Variants in USP34 observed in about 807,000 individuals in gnomAD.
USP34 encodes ubiquitin specific peptidase 34, also known as ubiquitin carboxyl-terminal hydrolase 34.
USP34 carries 70 observed loss-of-function variants against 460.3 expected under a neutral mutation model. That is an observed-to-expected ratio of 0.15 (90% CI 0.13 to 0.19). The LOEUF is 0.19. Ranked by LOEUF, USP34 falls within the 10% of genes least tolerant of loss-of-function variation. USP34 has a pLI of 1.00. For missense variants in USP34, 3,985 were observed against 4,236.2 expected (o/e 0.94, Z 1.65); for synonymous variants, 1,647 against 1,405.3 (o/e 1.17, Z -3.85).
At position 61,296,347 on chromosome 2, in the gene USP34, C is replaced by T. The variant is rs188019935; in HGVS notation, c.4254+453G>A. 6.3e-4 allele frequency among the ~76,000 whole-genome samples: 96 copies of T among 152,146 alleles called. No homozygotes were observed. The East Asian group carries it at 0.017, about 27-fold the overall frequency. ...ACCCAACACACATGTGAGGTGGTGT[C>T]CATATGGAAAAAAAATTATCACACA... On this transcript the variant is annotated intron_variant, in intron 30 of 79. Transcript: ENST00000398571.
chr2:61,262,130 TATAGATAGATAGATAG>T (rs59881307), intron 43 of USP34, among the ~76,000 whole-genome samples: 1 of 113,710 alleles, frequency 8.8e-6, no homozygotes, highest in African/African-American at 3.4e-5. Flanking sequence ...TATATATATA[TATAGATAGATAGATAG>T]ATAGATAGAT....
rs1381537099 is a variant in USP34 at position 61,213,389 on chromosome 2, G to GA, written c.8682+670dup. On this transcript the variant is annotated intron_variant, in intron 68 of 79. Coordinates refer to ENST00000398571, the MANE Select transcript of USP34 (RefSeq NM_014709.4). The stretch of plus-strand genomic sequence containing the variant: ...TCTATACAACTCATTACACCATCTA[G>GA]AAAAAAAAAGACCGTCTATAAAGGA... Among the ~76,000 whole-genome samples, 439 of 150,364 alleles carry GA rather than the reference G, an allele frequency of 2.9e-3. 11 individuals carry two copies. The highest frequency in any genetic ancestry group is 0.021 in the South Asian group (98 of 4,760).
chr2:61,446,552 T>G (rs1189584539), intron 1 of USP34, among the ~76,000 whole-genome samples: 1 of 152,150 alleles, frequency 6.6e-6, no homozygotes, highest in East Asian at 1.9e-4. Flanking sequence ...TTCTAGCCCT[T>G]TGAGAAGCCA....
At chr2:61,374,922 G>C (rs1416748674) in intron 8 of USP34, among the ~76,000 whole-genome samples, 1 of 152,054 alleles carries the variant, frequency 6.6e-6, no homozygotes, top group East Asian at 1.9e-4. Context: ...AAGAATATAG[G>C]AAACAGACAA....
intron 25 of USP34, 27 bp downstream of exon 25, chr2:61,314,558 C>A: frequency 6.9e-7 from 1 of 1,449,280 alleles, no homozygotes; most frequent in Admixed American, 2.6e-5. Context: ...GAAATTCATT[C>A]TAACAGTGTG....
chr2:61,381,039 A>C (rs1369317083), intron 6 of USP34, among the ~76,000 whole-genome samples: 1 of 151,896 alleles, frequency 6.6e-6, no homozygotes, highest in South Asian at 2.1e-4. Context: ...ACCACTCCCT[A>C]ATCTCAAGTA....
At chr2:61,228,360 C>A (rs1687791702) in intron 61 of USP34, among the ~76,000 whole-genome samples, 2 of 152,160 alleles carry the variant, frequency 1.3e-5, no homozygotes, top group African/African-American at 4.8e-5. Flanking sequence ...TTCACAAAAA[C>A]AATTCACTAT....
intron 32 of USP34, among the ~76,000 whole-genome samples, chr2:61,294,128 G>A (rs1021012297): frequency 6.6e-6 from 1 of 151,954 alleles, no homozygotes; most frequent in African/African-American, 2.4e-5. Context: ...GGTGGATCAC[G>A]AGGTCAGCAG....
At chr2:61,413,418 AC>A (rs1402625661) in intron 2 of USP34, among the ~76,000 whole-genome samples, 9 of 149,478 alleles carry the variant, frequency 6.0e-5, no homozygotes, top group South Asian at 2.1e-4. Context: ...AAATAAAAAA[AC>A]AAAAGAGGCC....
At chr2:61,199,207 CATGTG>C (rs1686896884) in intron 75 of USP34, among the ~76,000 whole-genome samples, 1 of 151,972 alleles carries the variant, frequency 6.6e-6, no homozygotes, top group Non-Finnish European at 1.5e-5. Context: ...TGGTGGTATT[CATGTG>C]ATGTTATGTT....
At chr2:61,425,454 A>G (rs1006166651) in intron 1 of USP34, among the ~76,000 whole-genome samples, 1 of 152,090 alleles carries the variant, frequency 6.6e-6, no homozygotes, top group African/African-American at 2.4e-5. Flanking sequence ...TGAGGGAGGG[A>G]CAACACAGCA....
At position 61,319,269 on chromosome 2, in the gene USP34, A is replaced by G; in HGVS notation, c.3072T>C (p.Cys1024=). The G allele has an allele frequency of 2.5e-6, 4 of 1,595,906 alleles. No homozygotes were observed. Among genetic ancestry groups the G allele is most frequent in the Non-Finnish European group, 3.4e-6 (4 of 1,174,804 alleles). ...AAAACCAATGGAGTGCATCATCATA[A>G]CATTCAGAATCTTCTACTAAACAAT... The part of the protein sequence containing the change: ...LWHCLVEDSE[C]YDDALHWFLN... Residue 1024 remains cysteine, a synonymous_variant, in exon 22 of 80, where the codon TGT becomes TGC. Coordinates refer to ENST00000398571, the MANE Select transcript of USP34 (RefSeq NM_014709.4).
At chr2:61,368,311 A>G (rs1464985849) in intron 10 of USP34, among the ~76,000 whole-genome samples, 1 of 152,206 alleles carries the variant, frequency 6.6e-6, no homozygotes, top group Non-Finnish European at 1.5e-5. Context: ...GCGTGCCTGT[A>G]ATCCCAGCTA....
intron 44 of USP34, among the ~76,000 whole-genome samples, chr2:61,258,417 C>A (rs1688778884): frequency 6.6e-6 from 1 of 152,126 alleles, no homozygotes; most frequent in Non-Finnish European, 1.5e-5. Flanking sequence ...ATATACAAGG[C>A]AGAAACAACA....
chr2:61,467,350 A>G (rs1695803129), intron 1 of USP34, among the ~76,000 whole-genome samples: 1 of 152,038 alleles, frequency 6.6e-6, no homozygotes, highest in Non-Finnish European at 1.5e-5. Flanking sequence ...CAGTCTTACT[A>G]TGTTGCCCAC....
At chr2:61,229,496 A>G in intron 59 of USP34, 52 bp downstream of exon 59, 1 of 1,162,370 alleles carries the variant, frequency 8.6e-7, no homozygotes, top group Non-Finnish European at 1.2e-6. Flanking sequence ...AAACAAAAAC[A>G]CCACACACAC....
intron 35 of USP34, among the ~76,000 whole-genome samples, chr2:61,284,668 A>G (rs1197963203): frequency 6.6e-6 from 1 of 152,224 alleles, no homozygotes; most frequent in Non-Finnish European, 1.5e-5. Flanking sequence ...GAAAACATGT[A>G]AACACACAGA....
chr2:61,367,192 G>A (rs1056195458), intron 10 of USP34, among the ~76,000 whole-genome samples: 1 of 152,220 alleles, frequency 6.6e-6, no homozygotes, highest in Non-Finnish European at 1.5e-5. Context: ...AACATAGAAA[G>A]GGCTATTGCA....
chr2:61,314,609 G>C lies in USP34; in HGVS notation c.3518C>G (p.Thr1173Arg). Residue 1173 changes from threonine to arginine, a missense_variant, in exon 25 of 80, where the codon ACA (threonine) becomes AGA (arginine). Around this residue, in one of 14 missense-constraint regions of USP34, gnomAD observed 1,114 missense variants for 1,122.5 expected, o/e 0.99. Coordinates refer to ENST00000398571, the MANE Select transcript of USP34 (RefSeq NM_014709.4). ...VIERGLLMLKTHLEAFRRRFA... is the reference protein window; with the variant it reads ...VIERGLLMLKRHLEAFRRRFA... Reference sequence around the variant, plus strand: ...CCTTCTCCTAAACGCTTCCAGATGTGTCTTCAGCATAAGGAGTCCTCTTTC... The same window carrying C: ...CCTTCTCCTAAACGCTTCCAGATGTCTCTTCAGCATAAGGAGTCCTCTTTC... The C allele has an allele frequency of 6.4e-7, 1 of 1,552,888 alleles. No individual in the cohort carries two copies. The highest frequency in any genetic ancestry group is 8.6e-7 in the Non-Finnish European group (1 of 1,158,414).
Sources: allele counts gnomAD v4.1 joint callset (sites outside exome capture counted in the v4.1 genomes callset), GRCh38; gene constraint gnomAD v4.1.1; regional missense constraint gnomAD v4.1.1; transcripts MANE v1.5; gene names NCBI Gene and HGNC (gene_info 2026-07-23, HGNC 2026-07-21).